Variants in GRIP1 observed in about 807,000 individuals in gnomAD.
GRIP1 encodes the protein glutamate receptor-interacting protein 1.
In GRIP1, 45 loss-of-function variants were observed where a neutral mutation model predicts 129.9. The ratio of observed to expected loss-of-function variants is 0.35; its 90% CI spans 0.27 to 0.44. The LOEUF (loss-of-function observed/expected upper bound fraction) is 0.44, where lower values mean the gene tolerates loss of function less well. GRIP1 is among the 20% of genes least tolerant of loss of function. The pLI, the probability that GRIP1 is intolerant of heterozygous loss-of-function variation, is 1.00. For missense variants in GRIP1, 1,196 were observed against 1,396.8 expected (o/e 0.86, Z 2.29); for synonymous variants, 530 against 520.8 (o/e 1.02, Z -0.24).
chr12:66,367,032 T>C (rs2055191846), intron 23 of GRIP1, among the ~76,000 whole-genome samples: 1 of 152,102 alleles, frequency 6.6e-6, no homozygotes, highest in African/African-American at 2.4e-5. Flanking sequence ...TGGAGAACTT[T>C]CCATCTACAA....
At chr12:66,522,864 G>C (rs1363612536) in intron 5 of GRIP1, among the ~76,000 whole-genome samples, 1 of 152,146 alleles carries the variant, frequency 6.6e-6, no homozygotes, top group Non-Finnish European at 1.5e-5. Context: ...GCCAAGGCTT[G>C]AGAACTATGT....
chr12:66,964,280 G>A (rs192200622), intron 1 of GRIP1, among the ~76,000 whole-genome samples: 1 of 152,252 alleles, frequency 6.6e-6, no homozygotes, highest in Admixed American at 6.5e-5. Context: ...GTTAACAAAA[G>A]AGACAGAAAG....
chr12:66,865,766 G>A (rs1702214916), intron 1 of GRIP1, among the ~76,000 whole-genome samples: 1 of 151,940 alleles, frequency 6.6e-6, no homozygotes, highest in South Asian at 2.1e-4. Flanking sequence ...ATGTTTTAAA[G>A]CAAAACATAC....
intron 2 of GRIP1, among the ~76,000 whole-genome samples, chr12:66,591,701 T>C (rs12424519): frequency 0.25 from 37,378 of 151,928 alleles, 4,736 homozygotes; most frequent in Admixed American, 0.28. Flanking sequence ...GCAATCAAGA[T>C]TCACTGCAGC....
chr12:66,362,274 T>C (rs1481135927), intron 23 of GRIP1, among the ~76,000 whole-genome samples: 1 of 151,204 alleles, frequency 6.6e-6, no homozygotes, highest in African/African-American at 2.4e-5. Flanking sequence ...CTGCCTCTGC[T>C]TCCTGAGTAG....
intron 1 of GRIP1, among the ~76,000 whole-genome samples, chr12:66,894,652 G>A (rs1422514763): frequency 6.6e-6 from 1 of 152,022 alleles, no homozygotes; most frequent in Non-Finnish European, 1.5e-5. Flanking sequence ...GACTGCCAAG[G>A]CTCCTGAGCT....
At chr12:66,492,781 G>A (rs978102627) in intron 7 of GRIP1, among the ~76,000 whole-genome samples, 7 of 152,086 alleles carry the variant, frequency 4.6e-5, no homozygotes, top group East Asian at 1.9e-4. Context: ...AGGCCAACGC[G>A]AGTGGATCAC....
At chr12:66,585,011 A>G (rs1224519256) in intron 2 of GRIP1, among the ~76,000 whole-genome samples, 1 of 151,920 alleles carries the variant, frequency 6.6e-6, no homozygotes, top group Non-Finnish European at 1.5e-5. Context: ...GTTGGTGCAC[A>G]CTGGATGCAC....
chr12:66,548,793 G>A (rs907944682), intron 2 of GRIP1, among the ~76,000 whole-genome samples: 2 of 152,112 alleles, frequency 1.3e-5, no homozygotes, highest in Non-Finnish European at 2.9e-5. Flanking sequence ...TGCTGCGGGT[G>A]ATTGGAGTGG....
intron 5 of GRIP1, among the ~76,000 whole-genome samples, chr12:66,518,248 C>G (rs887868090): frequency 1.3e-4 from 20 of 152,080 alleles, no homozygotes; most frequent in African/African-American, 4.3e-4. Flanking sequence ...AGAGAATCAA[C>G]CGATTATATC....
chr12:66,576,232 C>G (rs1393061443), intron 2 of GRIP1, among the ~76,000 whole-genome samples: 1 of 152,162 alleles, frequency 6.6e-6, no homozygotes, highest in Admixed American at 6.5e-5. Context: ...TTAGAAAGAT[C>G]TCTCATAATA....
chr12:66,620,441 T>C (rs1317249694), intron 1 of GRIP1, among the ~76,000 whole-genome samples: 2 of 152,146 alleles, frequency 1.3e-5, no homozygotes, highest in Non-Finnish European at 2.9e-5. Context: ...TGATTTTCCT[T>C]TGATTCACAT....
chr12:66,610,246 A>G (rs554045704), intron 1 of GRIP1, among the ~76,000 whole-genome samples: 2 of 152,266 alleles, frequency 1.3e-5, no homozygotes, highest in African/African-American at 4.8e-5. Flanking sequence ...ATATAAACAC[A>G]TACACATATA....
At position 66,528,134 on chromosome 12, in the gene GRIP1, G is replaced by GTTTTTTTTTTTTTTT. The variant is rs59443918; in HGVS notation, c.502+1682_502+1696dup. 4.1e-4 allele frequency among the ~76,000 whole-genome samples: 41 copies of GTTTTTTTTTTTTTTT among 99,214 alleles called. 4 individuals carry two copies. Among genetic ancestry groups the GTTTTTTTTTTTTTTT allele is most frequent in the African/African-American group, 1.8e-3 (37 of 21,098 alleles). The allele number at this position is 99,214 out of a possible 152,430, so 65.1% of individuals were successfully genotyped here. ...TAGAATTATACTTTAGAATTAGTAGGTTTTTTTTTTTTTTTTTTGAGATGG... is the reference window on the plus strand; with the variant it reads ...TAGAATTATACTTTAGAATTAGTAGGTTTTTTTTTTTTTTTTTTTTTTTTTTTTTTTTTGAGATGG... On this transcript the variant is annotated intron_variant, in intron 5 of 24. Coordinates refer to ENST00000359742, the MANE Select transcript of GRIP1 (RefSeq NM_001366722.1).
At chr12:67,022,950 T>C (rs183729368) in intron 1 of GRIP1, among the ~76,000 whole-genome samples, 1 of 152,332 alleles carries the variant, frequency 6.6e-6, no homozygotes, top group East Asian at 1.9e-4. Context: ...TTGTTACCCA[T>C]ATATATTCTT....
chr12:66,743,595 T>TG (rs1197342034), intron 1 of GRIP1, among the ~76,000 whole-genome samples: 106 of 139,928 alleles, frequency 7.6e-4, no homozygotes, highest in Admixed American at 5.7e-3. Context: ...AGGCTTTTTT[T>TG]TTGTGTGTGT....
At chr12:66,369,907 C>T (rs2055389680) in intron 23 of GRIP1, among the ~76,000 whole-genome samples, 1 of 152,166 alleles carries the variant, frequency 6.6e-6, no homozygotes, top group South Asian at 2.1e-4. Context: ...TTTAGGGTAA[C>T]TGGATAAACA....
chr12:66,709,539 A>AG, intron 1 of GRIP1, among the ~76,000 whole-genome samples: 1 of 151,816 alleles, frequency 6.6e-6, no homozygotes, highest in Non-Finnish European at 1.5e-5. Context: ...CACTGCATTC[A>AG]TGTTAACAGT....
intron 2 of GRIP1, among the ~76,000 whole-genome samples, chr12:66,580,216 T>C (rs2063319711): frequency 6.0e-5 from 9 of 149,286 alleles, no homozygotes; most frequent in Admixed American, 5.4e-4. Flanking sequence ...CTGAGAGATT[T>C]TGTCACCACC....
Sources: gnomAD v4.1 joint callset for allele counts (sites outside exome capture counted in the v4.1 genomes callset) on GRCh38, gnomAD v4.1.1 for gene constraint, MANE v1.5 for transcripts, NCBI Gene and HGNC (gene_info 2026-07-23, HGNC 2026-07-21) for gene names.